Variants in RPS6KC1 observed in about 807,000 individuals in gnomAD.
The protein encoded by RPS6KC1 is inactive ribosomal protein S6 kinase delta-1.
RPS6KC1 carries 54 observed loss-of-function variants against 103.8 expected under a neutral mutation model. The ratio of observed to expected loss-of-function variants is 0.52; its 90% confidence interval spans 0.42 to 0.65. The LOEUF (loss-of-function observed/expected upper bound fraction) is 0.65. Among genes scored for constraint, RPS6KC1 ranks in the 30% least tolerant of loss-of-function variants. The pLI is 0.00. For missense variants in RPS6KC1, 1,151 were observed against 1,253.8 expected, an observed-to-expected ratio of 0.92 and a Z score of 1.24; for synonymous variants, 439 against 438.7, an observed-to-expected ratio of 1.00 and a Z score of -0.01.
chr1:213,416,781 G>A, the RPS6KC1 span, among the ~76,000 whole-genome samples: 11 of 152,132 alleles, frequency 7.2e-5, no homozygotes, highest in Non-Finnish European at 1.5e-4. Flanking sequence ...AGAGACCCTG[G>A]GCACTACCCT....
At chr1:213,587,760 G>A in the RPS6KC1 span, among the ~76,000 whole-genome samples, 7 of 152,060 alleles carry the variant, frequency 4.6e-5, no homozygotes, top group African/African-American at 9.7e-5. Flanking sequence ...CACGGGATTC[G>A]ACATCCTCCT....
At chr1:213,711,512 C>G in the RPS6KC1 span, among the ~76,000 whole-genome samples, 1 of 152,134 alleles carries the variant, frequency 6.6e-6, no homozygotes. Context: ...CTACTTCTGT[C>G]AATTCATTAA....
the RPS6KC1 span, among the ~76,000 whole-genome samples, chr1:213,784,085 C>T: frequency 6.6e-6 from 1 of 152,158 alleles, no homozygotes; most frequent in Non-Finnish European, 1.5e-5. Context: ...TCTGCTTGTG[C>T]CTCCGCTCAG....
rs953353502 is a variant in RPS6KC1, at chr1:213,212,545, A to G, written c.1045-17952A>G. 2.0e-5 allele frequency among the ~76,000 whole-genome samples: 3 copies of G among 152,146 alleles called. No individual in the cohort carries two copies. In the East Asian group the frequency reaches 5.8e-4, roughly 29 times the overall value. ...ATGAATGAAGTTTCTATAAACATCC[A>G]TGTGCAGGGGTTTTTGTGGACATGC... On this transcript the variant is annotated intron_variant, in intron 8 of 14. Coordinates refer to ENST00000366960, the MANE Select transcript of RPS6KC1 (RefSeq NM_012424.6).
intron 1 of RPS6KC1, among the ~76,000 whole-genome samples, chr1:213,057,314 G>C (rs1025801538): frequency 5.3e-5 from 8 of 152,138 alleles, no homozygotes; most frequent in African/African-American, 1.9e-4. Flanking sequence ...TTCAGGGTAG[G>C]CTGGAAGGAG....
chr1:213,765,295 C>T, the RPS6KC1 span, among the ~76,000 whole-genome samples: 1 of 152,270 alleles, frequency 6.6e-6, no homozygotes, highest in South Asian at 2.1e-4. Context: ...CATAGCGCCC[C>T]TAAGAAGGCA....
the RPS6KC1 span, among the ~76,000 whole-genome samples, chr1:213,671,200 C>T: frequency 1.3e-5 from 2 of 152,162 alleles, no homozygotes; most frequent in South Asian, 4.1e-4. Flanking sequence ...GCCTTAAAAA[C>T]AGGAAATTTT....
At chr1:213,576,419 T>C in the RPS6KC1 span, among the ~76,000 whole-genome samples, 53 of 151,392 alleles carry the variant, frequency 3.5e-4, no homozygotes, top group Admixed American at 6.6e-4. Flanking sequence ...AACCCTGACT[T>C]GAGCAAGTCT....
chr1:213,234,887 C>T (rs879840934), intron 10 of RPS6KC1, among the ~76,000 whole-genome samples: 6 of 152,022 alleles, frequency 3.9e-5, no homozygotes, highest in Non-Finnish European at 5.9e-5. Flanking sequence ...GGGCACCAGT[C>T]GAGATGTTTG....
At chr1:213,810,421 C>G in the RPS6KC1 span, among the ~76,000 whole-genome samples, 1 of 152,078 alleles carries the variant, frequency 6.6e-6, no homozygotes. Context: ...GCATACCTGG[C>G]CTGGCAATGG....
At chr1:213,205,536 T>TTATTTATATATA (rs1553378415) in intron 8 of RPS6KC1, 2 of 82,292 alleles carry the variant, frequency 2.4e-5, no homozygotes, top group East Asian at 6.8e-4. Context: ...ACAAACTCAT[T>TTATTTATATATA]TATATATATA....
intron 4 of RPS6KC1, among the ~76,000 whole-genome samples, chr1:213,109,402 G>A (rs2082799848): frequency 6.6e-6 from 1 of 152,178 alleles, no homozygotes; most frequent in Non-Finnish European, 1.5e-5. Context: ...CTCCCAAAGT[G>A]CTGGGATTAC....
At position 213,151,720 on chromosome 1, in the gene RPS6KC1, C is replaced by T. The variant is rs867363204; in HGVS notation, c.836-16138C>T. ...CTCCCGGACGGGGCGGCTGGCCGGG[C>T]GGGGGGCTGACCCCCCCACCCATCT... On this transcript the variant is annotated intron_variant, in intron 6 of 14. Transcript: ENST00000366960. 3.2e-3 allele frequency among the ~76,000 whole-genome samples: 389 copies of T among 122,330 alleles called. 11 individuals are homozygous for T. Among genetic ancestry groups the T allele is most frequent in the African/African-American group, 0.012 (350 of 28,932 alleles). The allele number at this position is 122,330 out of a possible 152,430, so 80.3% of individuals were successfully genotyped here.
At chr1:213,321,312 T>C in the RPS6KC1 span, among the ~76,000 whole-genome samples, 1 of 152,158 alleles carries the variant, frequency 6.6e-6, no homozygotes, top group Admixed American at 6.5e-5. Context: ...ATTCCCACCG[T>C]ATATTTTGAA....
chr1:213,843,648 T>A, the RPS6KC1 span: 2 of 152,204 alleles, frequency 1.3e-5, no homozygotes, highest in Admixed American at 6.5e-5. Flanking sequence ...AAAAATCTCC[T>A]GACCAACCCC....
At chr1:213,643,697 A>C in the RPS6KC1 span, among the ~76,000 whole-genome samples, 1 of 152,004 alleles carries the variant, frequency 6.6e-6, no homozygotes, top group Middle Eastern at 3.4e-3. Context: ...AGGAGGGAAA[A>C]GGTCTTTGTT....
chr1:213,811,720 C>T, the RPS6KC1 span, among the ~76,000 whole-genome samples: 10 of 152,084 alleles, frequency 6.6e-5, no homozygotes, highest in Non-Finnish European at 1.0e-4. Context: ...TCTGCCAAGT[C>T]GGGTGTGTAA....
chr1:213,674,721 G>A, the RPS6KC1 span, among the ~76,000 whole-genome samples: 75 of 152,298 alleles, frequency 4.9e-4, no homozygotes, highest in South Asian at 1.0e-3. Context: ...GTTTTCCCCA[G>A]GGGCTGAACT....
At chr1:213,386,433 C>T in the RPS6KC1 span, among the ~76,000 whole-genome samples, 2 of 152,240 alleles carry the variant, frequency 1.3e-5, no homozygotes, top group African/African-American at 2.4e-5. Flanking sequence ...CCTCTCAGGG[C>T]TGTGATGAGG....
Sources: allele counts gnomAD v4.1 joint callset (sites outside exome capture counted in the v4.1 genomes callset), GRCh38; gene constraint gnomAD v4.1.1; transcripts MANE v1.5; gene names NCBI Gene and HGNC (gene_info 2026-07-23, HGNC 2026-07-21).